Variants in RAPGEF2 observed in about 807,000 individuals in gnomAD.
The protein encoded by RAPGEF2 is PDZ domain containing guanine nucleotide exchange factor (GEF) 1.
Under a neutral mutation model 186.7 loss-of-function variants are expected in RAPGEF2, and 54 were observed. The ratio of observed to expected loss-of-function variants is 0.29; its 90% CI spans 0.23 to 0.36. RAPGEF2 has a LOEUF of 0.36. Among genes scored for constraint, RAPGEF2 ranks in the 10% least tolerant of loss-of-function variants. The probability of loss-of-function intolerance (pLI) is 1.00; values close to 1 mark genes in which losing one functional copy is unlikely to be tolerated. For synonymous variants in RAPGEF2, 712 were observed against 705.9 expected (o/e 1.01, Z -0.14); for missense variants, 1,532 against 2,045.0 (o/e 0.75, Z 4.84).
At chr4:159,282,352 A>G (rs1253259607) in intron 7 of RAPGEF2, among the ~76,000 whole-genome samples, 1 of 152,230 alleles carries the variant, frequency 6.6e-6, no homozygotes, top group African/African-American at 2.4e-5. Context: ...CATAATTGAT[A>G]TGAAAAATTT....
At chr4:159,286,814 A>C (rs1261788358) in intron 7 of RAPGEF2, among the ~76,000 whole-genome samples, 3 of 152,142 alleles carry the variant, frequency 2.0e-5, no homozygotes, top group Non-Finnish European at 2.9e-5. Context: ...ACACCATATT[A>C]TTCTAATTCT....
In RAPGEF2 at chr4:159,331,395, A is replaced by G. The variant is rs1302373039; in HGVS notation, c.1468-36A>G. 2.1e-6 allele frequency: 3 copies of G among 1,397,340 alleles called. No homozygotes were observed. The Admixed American group carries it at 6.1e-5, about 28-fold the overall frequency. The allele number at this position is 1,397,340 out of a possible 1,614,324, so 86.6% of individuals were successfully genotyped here. A position where few individuals can be genotyped will look rare whatever the true frequency, so the allele number is the denominator to read the frequency against. ...TGATTTTAATCACATTTTTGGCACTAAAAAGGAAACTTATTGAAAATAATT... is the reference window on the plus strand; with the variant it reads ...TGATTTTAATCACATTTTTGGCACTGAAAAGGAAACTTATTGAAAATAATT... On this transcript the variant is annotated intron_variant, in intron 13 of 29. Coordinates refer to ENST00000691494, the MANE Select transcript of RAPGEF2 (RefSeq NM_001394067.2).
At chr4:159,125,743 G>C (rs1740224153) in intron 1 of RAPGEF2, among the ~76,000 whole-genome samples, 1 of 146,374 alleles carries the variant, frequency 6.8e-6, no homozygotes, top group South Asian at 2.2e-4. Context: ...GGGCGACAGA[G>C]TGAGAATCTG....
At position 159,339,315 on chromosome 4, in the gene RAPGEF2, A is replaced by G; in HGVS notation, c.2495A>G (p.Gln832Arg). Reference protein sequence around the residue: ...GVIKQRRLPDQLSKLADRIQL... With the variant: ...GVIKQRRLPDRLSKLADRIQL... ...ATCAAACAAAGAAGACTTCCAGATC[A>G]GCTTTCCAAACTTGCAGACAGAATA... Residue 832 changes from glutamine to arginine, a missense_variant, in exon 19 of 30, where the codon CAG becomes CGG. Physicochemically the swap from Gln to Arg is conservative, Grantham distance 43. Around this residue, in one of 4 missense-constraint regions of RAPGEF2, gnomAD observed 810 missense variants for 1,210.5 expected, o/e 0.67. Coordinates refer to ENST00000691494, the MANE Select transcript of RAPGEF2 (RefSeq NM_001394067.2). The G allele has an allele frequency of 6.2e-7, 1 of 1,614,142 alleles. No individual in the cohort carries two copies. The highest frequency in any genetic ancestry group is 8.5e-7 in the Non-Finnish European group (1 of 1,180,008).
At position 159,226,882 on chromosome 4, in the gene RAPGEF2, A is replaced by G. The variant is rs142975271; in HGVS notation, c.282-11927A>G. On this transcript the variant is annotated intron_variant, in intron 4 of 29. Coordinates refer to ENST00000691494, the MANE Select transcript of RAPGEF2 (RefSeq NM_001394067.2). ...GGCTCATGAGAAAAGTCCACATTTA[A>G]TTCAGATGAATTAAATCAATTGCCA... Among the ~76,000 whole-genome samples, 95 of 152,312 alleles carry G rather than the reference A, an allele frequency of 6.2e-4. 1 individual carries two copies. The highest frequency in any genetic ancestry group is 3.1e-4 in the Non-Finnish European group (21 of 68,010).
At chr4:159,223,215 G>A (rs76997768) in intron 4 of RAPGEF2, among the ~76,000 whole-genome samples, 11,197 of 139,284 alleles carry the variant, frequency 0.08, 997 homozygotes, top group African/African-American at 0.23. Flanking sequence ...TTCTTACGGC[G>A]TTATAGGGGT....
intron 1 of RAPGEF2, among the ~76,000 whole-genome samples, chr4:159,133,377 A>G (rs1386629972): frequency 6.6e-6 from 1 of 151,208 alleles, no homozygotes; most frequent in Non-Finnish European, 1.5e-5. Context: ...AACTTGTAAT[A>G]TATATGGTAA....
At chr4:159,119,133 A>C (rs899913004) in intron 1 of RAPGEF2, among the ~76,000 whole-genome samples, 15 of 152,206 alleles carry the variant, frequency 9.9e-5, no homozygotes, top group African/African-American at 3.1e-4. Flanking sequence ...GGTTAACTCC[A>C]GGCTTATTTT....
Position 159,353,729 on chromosome 4 carries a change from A to T in RAPGEF2, c.4334A>T (p.Asp1445Val). ...CATACTCACTTTGATTATTCAGGGG[A>T]TCCTGCAGGTTTATGGGCATCAAGC... ...FGHTHFDYSG[D>V]PAGLWASSSH... Residue 1445 changes from aspartate to valine, a missense_variant, in exon 28 of 30, where the codon GAT becomes GTT. Transcript: ENST00000691494. This position sits in a 1 kb window ranked among gnomAD's most constrained non-coding sequence, Gnocchi z 4.3. 1.9e-6 allele frequency: 3 copies of T among 1,610,150 alleles called. No homozygotes were observed. The highest frequency in any genetic ancestry group is 2.5e-6 in the Non-Finnish European group (3 of 1,178,208).
intron 1 of RAPGEF2, among the ~76,000 whole-genome samples, chr4:159,161,092 C>G (rs1047062686): frequency 6.6e-6 from 1 of 152,024 alleles, no homozygotes; most frequent in Non-Finnish European, 1.5e-5. Flanking sequence ...TAAATGAGGA[C>G]ATTCCCATGT....
At chr4:159,291,660 A>G (rs1761233199) in intron 7 of RAPGEF2, among the ~76,000 whole-genome samples, 1 of 152,184 alleles carries the variant, frequency 6.6e-6, no homozygotes, top group African/African-American at 2.4e-5. Context: ...CACAGTACAT[A>G]AAGTTTCTCA....
intron 8 of RAPGEF2, among the ~76,000 whole-genome samples, chr4:159,309,628 A>G (rs1052506243): frequency 2.6e-5 from 4 of 152,210 alleles, no homozygotes; most frequent in Non-Finnish European, 5.9e-5. Flanking sequence ...GGTTGAAAGA[A>G]TAGAAGGTTG....
intron 2 of RAPGEF2, among the ~76,000 whole-genome samples, chr4:159,190,619 A>G (rs4132269): frequency 5.3e-5 from 8 of 152,232 alleles, no homozygotes; most frequent in African/African-American, 1.9e-4. Context: ...ATAGTTCCGC[A>G]TGGCTGGGGA....
chr4:159,165,071 CT>C lies in RAPGEF2; in HGVS notation c.70-21565del, dbSNP rs1397902747. Reference sequence around the variant, plus strand: ...ATGTTTCTTAAAGAATTTTTTTTTTCTTTTTTGGGGAAGGGGAAAAGGTCTG... The same window carrying C: ...ATGTTTCTTAAAGAATTTTTTTTTTCTTTTTGGGGAAGGGGAAAAGGTCTG... On this transcript the variant is annotated intron_variant, in intron 1 of 29. Coordinates refer to ENST00000691494, the MANE Select transcript of RAPGEF2 (RefSeq NM_001394067.2). Among the ~76,000 whole-genome samples, 4 of 149,976 alleles carry C rather than the reference CT, an allele frequency of 2.7e-5. No homozygotes were observed. In the East Asian group the frequency reaches 7.8e-4, roughly 29 times the overall value.
intron 1 of RAPGEF2, among the ~76,000 whole-genome samples, chr4:159,183,903 C>A (rs1747282605): frequency 6.6e-6 from 1 of 152,172 alleles, no homozygotes; most frequent in Non-Finnish European, 1.5e-5. Flanking sequence ...CCTCTCACCC[C>A]ATGACAGGCT....
chr4:159,202,270 G>C (rs989855077), intron 3 of RAPGEF2, among the ~76,000 whole-genome samples: 1 of 152,170 alleles, frequency 6.6e-6, no homozygotes, highest in Non-Finnish European at 1.5e-5. Flanking sequence ...TATTGCACTT[G>C]CTCTGCTAGA....
At chr4:159,151,055 C>G (rs531001066) in intron 1 of RAPGEF2, among the ~76,000 whole-genome samples, 2 of 152,340 alleles carry the variant, frequency 1.3e-5, no homozygotes, top group South Asian at 4.1e-4. Context: ...GCCCAAAATT[C>G]TTGGACAAAT....
chr4:159,260,234 C>A (rs1756657458), intron 7 of RAPGEF2, among the ~76,000 whole-genome samples: 1 of 151,990 alleles, frequency 6.6e-6, no homozygotes, highest in Non-Finnish European at 1.5e-5. Flanking sequence ...CCTGCTTCAG[C>A]CTCCCAGAGT....
At chr4:159,298,345 C>T (rs989399587) in intron 7 of RAPGEF2, among the ~76,000 whole-genome samples, 1 of 152,008 alleles carries the variant, frequency 6.6e-6, no homozygotes, top group Non-Finnish European at 1.5e-5. Context: ...GGTGTTGTAT[C>T]TAGGGTATAT....
Sources: gnomAD v4.1 joint callset for allele counts (sites outside exome capture counted in the v4.1 genomes callset) on GRCh38, gnomAD v4.1.1 for gene constraint, gnomAD v4.1.1 regional missense constraint, Gnocchi (gnomAD v3.1) non-coding constraint, MANE v1.5 for transcripts, NCBI Gene and HGNC (gene_info 2026-07-23, HGNC 2026-07-21) for gene names.